Variants in VAMP7 observed in about 807,000 individuals in gnomAD.
The protein encoded by VAMP7 is vesicle-associated membrane protein 7.
In VAMP7, 14 loss-of-function variants were observed where a neutral mutation model predicts 29.6. The ratio of observed to expected loss-of-function variants is 0.47; its 90% confidence interval spans 0.31 to 0.74. VAMP7 has a LOEUF of 0.74. Ranked by LOEUF, VAMP7 falls within the 30% of genes least tolerant of loss-of-function variation. The probability of loss-of-function intolerance (pLI) is 0.05; values close to 1 mark genes in which losing one functional copy is unlikely to be tolerated. For synonymous variants in VAMP7, 95 were observed against 88.1 expected (o/e 1.08, Z -0.44); for missense variants, 223 against 262.4 (o/e 0.85, Z 1.04).
chrX:155,939,897 T>C (rs2066718894), intron 7 of VAMP7, 104 bp downstream of exon 7: 11 of 991,344 alleles, frequency 1.1e-5, no homozygotes, highest in Non-Finnish European at 1.6e-5. Flanking sequence ...GAGCTACATA[T>C]GTCTTTTAAT....
At position 155,901,521 on chromosome X, in the gene VAMP7, T is replaced by A. The variant is rs151039409; in HGVS notation, c.433+934T>A. Among the ~76,000 whole-genome samples the A allele has an allele frequency of 8.8e-3, 1,342 of 152,208 alleles. 23 individuals carry two copies. The highest frequency in any genetic ancestry group is 0.03 in the African/African-American group (1,265 of 41,556). On this transcript the variant is annotated intron_variant, in intron 5 of 7. Transcript: ENST00000286448. ...TTTTTAGAGTTATAGAAACAGCAAA[T>A]TTAATCCATCTTGAATTAATTTTTG...
chrX:155,887,623 C>T (rs182093631), intron 1 of VAMP7, among the ~76,000 whole-genome samples: 5 of 152,058 alleles, frequency 3.3e-5, no homozygotes, highest in Admixed American at 1.3e-4. Flanking sequence ...TAATGCGTAA[C>T]GATGCTTTGA....
intron 3 of VAMP7, among the ~76,000 whole-genome samples, chrX:155,897,744 A>G (rs1367065545): frequency 6.6e-6 from 1 of 152,166 alleles, no homozygotes; most frequent in Non-Finnish European, 1.5e-5. Flanking sequence ...TATGATTATT[A>G]TGGGATTTAT....
Position 155,943,581 on chromosome X carries a change from G to T in VAMP7, c.*1630G>T, listed in dbSNP as rs1293318372. 6.6e-6 allele frequency: 1 copy of T among 151,978 alleles called. No homozygotes were observed. Among genetic ancestry groups the T allele is most frequent in the East Asian group, 1.9e-4 (1 of 5,182 alleles). 9.4% of individuals were successfully genotyped at this position (151,978 alleles called of 1,614,324 possible). A position where few individuals can be genotyped will look rare whatever the true frequency, so the allele number is the denominator to read the frequency against. On this transcript the variant is annotated 3_prime_UTR_variant, in exon 8 of 8. Coordinates refer to ENST00000286448, the MANE Select transcript of VAMP7 (RefSeq NM_005638.6). ...AATTTCCAAATGTTTTTAATCCAAA[G>T]AAAAAGGTTTAAAGCTTATTTCCCT...
intron 5 of VAMP7, among the ~76,000 whole-genome samples, chrX:155,907,891 C>T (rs1274822745): frequency 4.6e-5 from 7 of 151,968 alleles, no homozygotes; most frequent in Admixed American, 2.6e-4. Flanking sequence ...ACAGGGCGGC[C>T]GGGCAGCGAC....
At chrX:155,902,145 G>A (rs2066072311) in intron 5 of VAMP7, among the ~76,000 whole-genome samples, 1 of 152,066 alleles carries the variant, frequency 6.6e-6, no homozygotes, top group African/African-American at 2.4e-5. Flanking sequence ...CTGTGAATGG[G>A]AGTTCACTCA....
intron 1 of VAMP7, among the ~76,000 whole-genome samples, chrX:155,885,777 C>T (rs1410799068): frequency 6.6e-6 from 1 of 152,110 alleles, no homozygotes; most frequent in Admixed American, 6.5e-5. Flanking sequence ...GGATTGCCAC[C>T]AAACTATCAG....
At chrX:155,902,708 A>G (rs1393157016) in intron 5 of VAMP7, among the ~76,000 whole-genome samples, 2 of 151,940 alleles carry the variant, frequency 1.3e-5, no homozygotes, top group African/African-American at 4.8e-5. Flanking sequence ...CTTGCATCCC[A>G]GGGATGAAGC....
chrX:155,931,614 C>A lies in VAMP7; in HGVS notation c.502-8087C>A, dbSNP rs745516289. 3.3e-3 allele frequency among the ~76,000 whole-genome samples: 508 copies of A among 152,180 alleles called. 1 individual carries two copies. Among genetic ancestry groups the A allele is most frequent in the African/African-American group, 0.012 (482 of 41,506 alleles). On this transcript the variant is annotated intron_variant, in intron 6 of 7. Transcript: ENST00000286448. ...TTCTTTGTAGAATCTGGATATTAGC[C>A]CTTTGTCAGATGAGTAGATTGCAAA...
intron 5 of VAMP7, among the ~76,000 whole-genome samples, chrX:155,904,908 A>T (rs991804794): frequency 5.1e-5 from 1 of 19,442 alleles, no homozygotes; most frequent in Admixed American, 4.6e-4. Flanking sequence ...ATTATATATT[A>T]TATATATATA....
At chrX:155,938,492 A>C (rs1389169720) in intron 6 of VAMP7, among the ~76,000 whole-genome samples, 1 of 152,212 alleles carries the variant, frequency 6.6e-6, no homozygotes, top group Non-Finnish European at 1.5e-5. Context: ...AACTGTAAGC[A>C]TACAACTTGT....
rs143339260 is a variant in VAMP7, at chrX:155,923,285, G to A, written c.501+3405G>A. On this transcript the variant is annotated intron_variant, in intron 6 of 7. Coordinates refer to ENST00000286448, the MANE Select transcript of VAMP7 (RefSeq NM_005638.6). Reference sequence around the variant, plus strand: ...TGCTCTTAATTCTTTTGTGTAGGCCGAGTTTCTATCTGATGTTATTTTCTT... The same window carrying A: ...TGCTCTTAATTCTTTTGTGTAGGCCAAGTTTCTATCTGATGTTATTTTCTT... Among the ~76,000 whole-genome samples the A allele has an allele frequency of 5.4e-3, 827 of 151,908 alleles. 10 individuals carry two copies. Among genetic ancestry groups the A allele is most frequent in the African/African-American group, 0.019 (787 of 41,486 alleles).
At chrX:155,901,720 C>A (rs754933456) in intron 5 of VAMP7, among the ~76,000 whole-genome samples, 1 of 152,180 alleles carries the variant, frequency 6.6e-6, no homozygotes, top group South Asian at 2.1e-4. Context: ...TGTTCTGTTC[C>A]ATTGATCTAT....
At chrX:155,890,227 A>C (rs1055150652) in intron 2 of VAMP7, among the ~76,000 whole-genome samples, 1 of 152,020 alleles carries the variant, frequency 6.6e-6, no homozygotes, top group Non-Finnish European at 1.5e-5. Flanking sequence ...ATAAAGCTAG[A>C]GAGATGGGTA....
chrX:155,939,139 G>T (rs188794869), intron 6 of VAMP7, among the ~76,000 whole-genome samples: 12 of 152,178 alleles, frequency 7.9e-5, no homozygotes, highest in Admixed American at 4.6e-4. Flanking sequence ...TTGTTGGTTG[G>T]TTGTTTGCCA....
At chrX:155,887,898 T>G (rs1402374415) in intron 1 of VAMP7, among the ~76,000 whole-genome samples, 1 of 149,102 alleles carries the variant, frequency 6.7e-6, no homozygotes, top group Admixed American at 6.7e-5. Flanking sequence ...GCCACTGCAC[T>G]CTAGCCTGGA....
chrX:155,899,190 T>C (rs901106729), intron 4 of VAMP7, among the ~76,000 whole-genome samples: 1 of 151,860 alleles, frequency 6.6e-6, no homozygotes, highest in Non-Finnish European at 1.5e-5. Flanking sequence ...TGGTAGGTGA[T>C]GTGTAATTGA....
At chrX:155,934,731 G>C (rs1049946984) in intron 6 of VAMP7, among the ~76,000 whole-genome samples, 3 of 152,102 alleles carry the variant, frequency 2.0e-5, no homozygotes, top group Admixed American at 6.6e-5. Flanking sequence ...GTGTGAATTT[G>C]ATCCTGTCAT....
chrX:155,881,752 C>A (rs1252135039), intron 1 of VAMP7, among the ~76,000 whole-genome samples: 1 of 152,128 alleles, frequency 6.6e-6, no homozygotes, highest in African/African-American at 2.4e-5. Flanking sequence ...GCATTTAAAT[C>A]TCTTGAGATC....
Sources: allele counts gnomAD v4.1 joint callset (sites outside exome capture counted in the v4.1 genomes callset), GRCh38; gene constraint gnomAD v4.1.1; transcripts MANE v1.5; gene names NCBI Gene and HGNC (gene_info 2026-07-23, HGNC 2026-07-21).